The following PTPRA variants were observed in gnomAD, a reference collection of about 807,000 sequenced individuals.
The protein encoded by PTPRA is protein tyrosine phosphatase receptor type A.
A neutral mutation model predicts 104.8 loss-of-function variants in PTPRA; 25 were observed. The observed-to-expected ratio is 0.24, with a 90% confidence interval of 0.17 to 0.33. The LOEUF is 0.33. PTPRA is among the 10% of genes least tolerant of loss of function. PTPRA has a pLI of 1.00. For synonymous variants in PTPRA, 323 were observed against 368.9 expected (o/e 0.88, Z 1.43); for missense variants, 765 against 1,015.3 (o/e 0.75, Z 3.35).
intron 9 of PTPRA, among the ~76,000 whole-genome samples, chr20:2,990,921 T>TA (rs911906384): frequency 5.9e-5 from 9 of 151,902 alleles, no homozygotes; most frequent in African/African-American, 2.2e-4. Flanking sequence ...AACTACAATA[T>TA]AGAGAATAGA....
In PTPRA at chr20:3,006,088, G is replaced by T. The variant is rs529635495; in HGVS notation, c.829+942G>T. ...TGCCTTGGCTGATCTCAAACTCCTG[G>T]CCTCAAACAGTCCTCCTGCTTTGGT... On this transcript the variant is annotated intron_variant, in intron 10 of 23. Transcript: ENST00000399903. Among the ~76,000 whole-genome samples the T allele has an allele frequency of 2.0e-5, 3 of 152,028 alleles. No individual in the cohort carries two copies. The East Asian group carries it at 5.8e-4, about 29-fold the overall frequency.
intron 3 of PTPRA, among the ~76,000 whole-genome samples, chr20:2,959,844 A>T (rs2147888623): frequency 6.6e-6 from 1 of 152,224 alleles, no homozygotes; most frequent in African/African-American, 2.4e-5. Context: ...GTACCTACTC[A>T]GGAGGCTGAG....
intron 13 of PTPRA, among the ~76,000 whole-genome samples, chr20:3,020,752 T>C (rs2064827119): frequency 6.6e-6 from 1 of 152,238 alleles, no homozygotes. Context: ...TCGGGTGTCA[T>C]GATCAACAGC....
At chr20:2,868,979 A>C (rs1057474042), upstream of PTPRA, among the ~76,000 whole-genome samples, 1 of 152,236 alleles carries the variant, frequency 6.6e-6, no homozygotes, top group African/African-American at 2.4e-5. Flanking sequence ...GTGTGTGTGC[A>C]TGTAGAGAAG....
intron 6 of PTPRA, among the ~76,000 whole-genome samples, chr20:2,978,080 CAT>C (rs1388165460): frequency 6.6e-6 from 1 of 152,092 alleles, no homozygotes; most frequent in Admixed American, 6.6e-5. Context: ...GCGCAGTTGA[CAT>C]GTGTGAGGTG....
At chr20:2,908,276 C>CA (rs1214527004) in intron 1 of PTPRA, among the ~76,000 whole-genome samples, 1 of 152,174 alleles carries the variant, frequency 6.6e-6, no homozygotes, top group African/African-American at 2.4e-5. Flanking sequence ...CACAGACAGA[C>CA]AGTTGACTCC....
chr20:3,003,012 C>T (rs2063706708), intron 9 of PTPRA, among the ~76,000 whole-genome samples: 2 of 152,200 alleles, frequency 1.3e-5, no homozygotes, highest in Non-Finnish European at 2.9e-5. Context: ...GTCTGGAATA[C>T]TATTTTCTAT....
intron 1 of PTPRA, among the ~76,000 whole-genome samples, chr20:2,880,989 CAG>C (rs1465305338): frequency 6.6e-6 from 1 of 151,086 alleles, no homozygotes; most frequent in East Asian, 1.9e-4. Flanking sequence ...GCCTGGGGGA[CAG>C]AGGGAGACTC....
intron 2 of PTPRA, among the ~76,000 whole-genome samples, chr20:2,935,297 T>G (rs1286474588): frequency 2.6e-5 from 4 of 152,330 alleles, no homozygotes. Flanking sequence ...TCCAGGTTTA[T>G]CCATGTTATC....
chr20:2,998,363 A>G (rs1196178171), intron 9 of PTPRA, among the ~76,000 whole-genome samples: 1 of 152,032 alleles, frequency 6.6e-6, no homozygotes. Flanking sequence ...TAGTGATGGG[A>G]CTGAGTGTGG....
intron 2 of PTPRA, among the ~76,000 whole-genome samples, chr20:2,931,605 A>G (rs1358370752): frequency 2.0e-5 from 3 of 152,176 alleles, no homozygotes; most frequent in Non-Finnish European, 2.9e-5. Context: ...CTCATTCCCT[A>G]GCCCCTGAAA....
In PTPRA at chr20:3,019,983, A is replaced by G. The variant is rs1310835272; in HGVS notation, c.1042-1326A>G. The stretch of plus-strand genomic sequence containing the variant: ...CAGGCACTCGGCAGGCTGAGGCAGG[A>G]GAATCAGGCAGGGAGGTTGCAGTGA... On this transcript the variant is annotated intron_variant, in intron 13 of 23. Coordinates refer to ENST00000399903, the MANE Select transcript of PTPRA (RefSeq NM_001385305.1). 2.7e-5 allele frequency among the ~76,000 whole-genome samples: 4 copies of G among 150,392 alleles called. No individual in the cohort carries two copies. In the East Asian group the frequency reaches 6.3e-4, roughly 24 times the overall value.
chr20:3,020,620 G>C (rs991354076), intron 13 of PTPRA, among the ~76,000 whole-genome samples: 1 of 152,218 alleles, frequency 6.6e-6, no homozygotes, highest in East Asian at 1.9e-4. Flanking sequence ...GGCCTAACCA[G>C]CTCTATCACT....
intron 3 of PTPRA, among the ~76,000 whole-genome samples, chr20:2,951,595 A>G (rs1478824184): frequency 6.6e-6 from 1 of 152,116 alleles, no homozygotes; most frequent in Non-Finnish European, 1.5e-5. Flanking sequence ...AACTCACTGA[A>G]ATTATTCAAA....
chr20:3,007,722 G>A (rs574199412), intron 11 of PTPRA, among the ~76,000 whole-genome samples: 108 of 152,202 alleles, frequency 7.1e-4, no homozygotes, highest in African/African-American at 2.5e-3. Flanking sequence ...ACAAAAGCAG[G>A]CCTTGCCCTC....
At chr20:3,004,817 A>G (rs192224587) in intron 9 of PTPRA, among the ~76,000 whole-genome samples, 2 of 152,386 alleles carry the variant, frequency 1.3e-5, no homozygotes, top group Non-Finnish European at 2.9e-5. Flanking sequence ...CTATACTTAC[A>G]TAACAGAAAG....
chr20:3,016,833 C>T (rs1380785080), intron 12 of PTPRA, among the ~76,000 whole-genome samples: 1 of 152,204 alleles, frequency 6.6e-6, no homozygotes, highest in Non-Finnish European at 1.5e-5. Context: ...CCTGGGGCAA[C>T]CATTTTTATC....
At chr20:3,009,391 C>T (rs1473413525) in intron 11 of PTPRA, among the ~76,000 whole-genome samples, 1 of 151,932 alleles carries the variant, frequency 6.6e-6, no homozygotes, top group Non-Finnish European at 1.5e-5. Context: ...CCAAGGGCTT[C>T]AGTTTCAGTA....
chr20:2,912,251 A>C (rs1555802070), intron 1 of PTPRA, among the ~76,000 whole-genome samples: 1 of 151,824 alleles, frequency 6.6e-6, no homozygotes, highest in Non-Finnish European at 1.5e-5. Context: ...TATCTCAAAA[A>C]ACAAATTTTG....
Sources: gnomAD v4.1 joint callset for allele counts (sites outside exome capture counted in the v4.1 genomes callset) on GRCh38, gnomAD v4.1.1 for gene constraint, MANE v1.5 for transcripts, NCBI Gene and HGNC (gene_info 2026-07-23, HGNC 2026-07-21) for gene names.